ZNF282: variants seen among roughly 807,000 people sequenced by gnomAD.
ZNF282 encodes the protein zinc finger protein 282, also known as HTLV-I U5 repressive element-binding protein 1.
A neutral mutation model predicts 61.9 loss-of-function variants in ZNF282; 30 were observed. The observed-to-expected ratio is 0.48, with a 90% confidence interval of 0.36 to 0.66. ZNF282 has a LOEUF of 0.66. Among genes scored for constraint, ZNF282 ranks in the 30% least tolerant of loss-of-function variants. The pLI is 0.00. For missense variants in ZNF282, 788 were observed against 941.4 expected (o/e 0.84, Z 2.13); for synonymous variants, 396 against 405.0 (o/e 0.98, Z 0.27).
chr7:149,219,426 G>C (rs914963325), intron 7 of ZNF282, among the ~76,000 whole-genome samples: 2 of 152,226 alleles, frequency 1.3e-5, no homozygotes, highest in Non-Finnish European at 1.5e-5. Context: ...TGTTACAGAG[G>C]CTGGGAGAAG....
chr7:149,209,963 G>T (rs1164153901), intron 4 of ZNF282, among the ~76,000 whole-genome samples: 2 of 152,170 alleles, frequency 1.3e-5, no homozygotes, highest in African/African-American at 2.4e-5. Context: ...AGAAGGAAAT[G>T]ATGTTATTTG....
intron 4 of ZNF282, 78 bp from the exon 5 acceptor site, chr7:149,210,507 C>G: frequency 6.3e-7 from 1 of 1,575,274 alleles, no homozygotes. Context: ...AAAGCAATGT[C>G]ATTCTCTGTT....
intron 2 of ZNF282, among the ~76,000 whole-genome samples, chr7:149,201,121 T>TC (rs1442699294): frequency 6.6e-6 from 1 of 152,344 alleles, no homozygotes; most frequent in East Asian, 1.9e-4. Context: ...TGTCCTCATC[T>TC]CCGTTGATGA....
chr7:149,210,667 C>T lies in ZNF282; in HGVS notation c.915C>T (p.Gly305=). 1.2e-6 allele frequency: 2 copies of T among 1,609,342 alleles called. No homozygotes were observed. The highest frequency in any genetic ancestry group is 4.5e-5 in the East Asian group (2 of 44,778). ...EDTLCVRGQR[G]LEERAIPTES... ...CCCTGTGTGTCCGGGGTCAGCGGGG[C>T]CTGGAGGAAAGAGCCATCCCTACGG... Residue 305 remains glycine (G), a synonymous_variant, in exon 5 of 8, where the codon GGC becomes GGT. Coordinates refer to ENST00000610704, the MANE Select transcript of ZNF282 (RefSeq NM_003575.4).
intron 5 of ZNF282, among the ~76,000 whole-genome samples, chr7:149,211,911 A>T (rs1427781493): frequency 2.6e-5 from 4 of 152,250 alleles, no homozygotes; most frequent in Non-Finnish European, 5.9e-5. Flanking sequence ...TACATCTTAG[A>T]AAAATCCCAT....
At chr7:149,202,354 C>A (rs532323089) in intron 2 of ZNF282, among the ~76,000 whole-genome samples, 1 of 151,706 alleles carries the variant, frequency 6.6e-6, no homozygotes, top group African/African-American at 2.4e-5. Context: ...CTCTATTGCC[C>A]AAGCTGGAGT....
At chr7:149,208,394 G>A (rs972689205) in intron 4 of ZNF282, among the ~76,000 whole-genome samples, 64 of 151,910 alleles carry the variant, frequency 4.2e-4, no homozygotes, top group Non-Finnish European at 7.5e-4. Flanking sequence ...GTAGGGACAG[G>A]GTTTCACCAT....
chr7:149,218,155 G>A (rs971568255), intron 7 of ZNF282, among the ~76,000 whole-genome samples: 6 of 151,644 alleles, frequency 4.0e-5, no homozygotes, highest in Admixed American at 1.3e-4. Flanking sequence ...GTATGAAATC[G>A]GACATGATCT....
At position 149,202,606 on chromosome 7, in the gene ZNF282, G is replaced by A. The variant is rs576320858; in HGVS notation, c.585+3854G>A. On this transcript the variant is annotated intron_variant, in intron 2 of 7. Transcript: ENST00000610704. ...TGGGATTACAGGTGTGAGCCACCGC[G>A]CCTGGCCTAATTTTTGTATTTTTTA... Among the ~76,000 whole-genome samples, 6 of 151,822 alleles carry A rather than the reference G, an allele frequency of 4.0e-5. No individual in the cohort carries two copies. In the South Asian group the frequency reaches 6.2e-4, roughly 16 times the overall value.
intron 4 of ZNF282, among the ~76,000 whole-genome samples, chr7:149,209,452 CT>C (rs1330257132): frequency 2.0e-5 from 3 of 152,194 alleles, no homozygotes; most frequent in Non-Finnish European, 4.4e-5. Flanking sequence ...TAAATGGCTC[CT>C]TCCCTGTCTT....
chr7:149,204,349 AG>A (rs1231415838), intron 2 of ZNF282, among the ~76,000 whole-genome samples: 3 of 152,154 alleles, frequency 2.0e-5, no homozygotes, highest in South Asian at 2.1e-4. Flanking sequence ...GCAGAATCTA[AG>A]GGGGTAAAGA....
chr7:149,207,885 A>G (rs1563177273), intron 4 of ZNF282, among the ~76,000 whole-genome samples: 1 of 152,078 alleles, frequency 6.6e-6, no homozygotes, highest in African/African-American at 2.4e-5. Context: ...TCATCACCTC[A>G]TTCGTCGGCC....
chr7:149,195,822 C>T (rs1795806549), intron 1 of ZNF282, 68 bp downstream of exon 1: 8 of 1,240,054 alleles, frequency 6.5e-6, no homozygotes, highest in African/African-American at 3.2e-5. Flanking sequence ...GGCCGCGGGA[C>T]CGGGCCGCGC....
At chr7:149,215,675 A>G (rs747052287) in intron 7 of ZNF282, among the ~76,000 whole-genome samples, 6 of 152,182 alleles carry the variant, frequency 3.9e-5, no homozygotes, top group Non-Finnish European at 7.4e-5. Context: ...GATAGGAACA[A>G]TGTATGTCCT....
Position 149,219,127 on chromosome 7 carries a change from C to T in ZNF282, c.1181-4685C>T, listed in dbSNP as rs1796200182. On this transcript the variant is annotated intron_variant, in intron 7 of 7. Coordinates refer to ENST00000610704, the MANE Select transcript of ZNF282 (RefSeq NM_003575.4). ...CCCCTTTCCCTCCCTGGAGGTTGGG[C>T]CTCAAACCCTAAACCTTTAGTCACG... 2.6e-5 allele frequency among the ~76,000 whole-genome samples: 4 copies of T among 152,274 alleles called. No homozygotes were observed. In the South Asian group the frequency reaches 8.3e-4, roughly 32 times the overall value.
At chr7:149,213,917 T>C in intron 7 of ZNF282, 103 bp downstream of exon 7, 1 of 741,920 alleles carries the variant, frequency 1.3e-6, no homozygotes, top group Non-Finnish European at 2.2e-6. Context: ...CCTCGTAGGG[T>C]GATGTTCTGT....
intron 4 of ZNF282, among the ~76,000 whole-genome samples, chr7:149,208,971 A>G (rs1297064439): frequency 7.8e-6 from 1 of 128,474 alleles, no homozygotes; most frequent in African/African-American, 2.9e-5. Flanking sequence ...CAGTGAGCCA[A>G]GATTGTGTCA....
rs1363974614 is a variant in ZNF282 at position 149,195,607 on chromosome 7, A to G, written c.18A>G (p.Thr6=). 6.2e-7 allele frequency: 1 copy of G among 1,611,064 alleles called. No individual in the cohort carries two copies. Among genetic ancestry groups the G allele is most frequent in the African/African-American group, 1.3e-5 (1 of 74,640 alleles). Residue 6 remains threonine, a synonymous_variant, in exon 1 of 8, where the codon ACA becomes ACG. Coordinates refer to ENST00000610704, the MANE Select transcript of ZNF282 (RefSeq NM_003575.4). The part of the protein sequence containing the change: MQFVS[T]RPQPQQLGIQ... ...CTCCCAGGATGCAGTTTGTGTCAAC[A>G]CGGCCGCAGCCTCAGCAGCTGGGCA...
At chr7:149,211,400 G>A (rs552153291) in intron 5 of ZNF282, among the ~76,000 whole-genome samples, 1 of 152,308 alleles carries the variant, frequency 6.6e-6, no homozygotes, top group South Asian at 2.1e-4. Context: ...GCTGGAGCCT[G>A]CAGGCAGAAT....
Sources: allele counts gnomAD v4.1 joint callset (sites outside exome capture counted in the v4.1 genomes callset), GRCh38; gene constraint gnomAD v4.1.1; transcripts MANE v1.5; gene names NCBI Gene and HGNC (gene_info 2026-07-23, HGNC 2026-07-21).